ABCC3: variants seen among roughly 807,000 people sequenced by gnomAD.
The protein encoded by ABCC3 is ATP binding cassette subfamily C member 3.
A neutral mutation model predicts 165.3 loss-of-function variants in ABCC3; 121 were observed. The observed-to-expected ratio is 0.73, with a 90% CI of 0.63 to 0.85. The LOEUF is 0.85. Among genes scored for constraint, ABCC3 ranks in the 40% least tolerant of loss-of-function variants. The pLI is 0.00. For synonymous variants in ABCC3, 733 were observed against 810.1 expected, an observed-to-expected ratio of 0.90 and a Z score of 1.62; for missense variants, 1,869 against 1,964.1, an observed-to-expected ratio of 0.95 and a Z score of 0.92.
Position 50,675,614 on chromosome 17 carries a change from AC to A in ABCC3, c.2715-15del. On this transcript the variant is annotated splice_polypyrimidine_tract_variant and intron_variant, in intron 20 of 30. Transcript: ENST00000285238. ...GCTTGAGGCCCCCTCCCTGGGCCTG[AC>A]CAGCTGCCTCCACAGACAGCTGAGT... is the stretch of plus-strand genomic sequence containing the variant. 6.4e-7 allele frequency: 1 copy of A among 1,561,602 alleles called. No individual in the cohort carries two copies.
intron 1 of ABCC3, among the ~76,000 whole-genome samples, chr17:50,640,580 G>A (rs534941886): frequency 3.9e-5 from 6 of 152,234 alleles, no homozygotes; most frequent in Non-Finnish European, 7.4e-5. Flanking sequence ...GTGCAGTGGC[G>A]TGATCTCAGC....
intron 1 of ABCC3, among the ~76,000 whole-genome samples, chr17:50,636,368 G>GT (rs912649775): frequency 3.3e-5 from 5 of 151,038 alleles, no homozygotes; most frequent in African/African-American, 1.2e-4. Context: ...GGCAATGGAG[G>GT]TAAAAAAAAA....
chr17:50,673,576 G>T lies in ABCC3; in HGVS notation c.2517G>T (p.Leu839=), dbSNP rs769161836. ...VSEMGPYPAL[L]QRNGSFANFL... ...AGATGGGCCCGTACCCAGCCCTGCT[G>T]CAGCGCAACGGCTCCTTTGCCAACT... The change falls in exon 19 of 31, where the codon CTG becomes CTT. Residue 839 remains leucine, a synonymous_variant. Transcript: ENST00000285238. 13 of 1,614,214 alleles carry T rather than the reference G, an allele frequency of 8.1e-6. No homozygotes were observed. The highest frequency in any genetic ancestry group is 1.0e-5 in the Non-Finnish European group (12 of 1,180,034).
At position 50,691,716 on chromosome 17, in the gene ABCC3, C is replaced by G. The variant is rs1968128182; in HGVS notation, c.*516C>G. 6.5e-6 allele frequency: 1 copy of G among 152,800 alleles called. No homozygotes were observed. Among genetic ancestry groups the G allele is most frequent in the African/African-American group, 2.4e-5 (1 of 41,410 alleles). 9.5% of individuals were successfully genotyped at this position (152,800 alleles called of 1,614,324 possible). On this transcript the variant is annotated 3_prime_UTR_variant, in exon 31 of 31. Coordinates refer to ENST00000285238, the MANE Select transcript of ABCC3 (RefSeq NM_003786.4). ...TGGTCAACAGTATATACACAGTAGTCTTTTTGCACTTGTTCACAAGGTTTG... is the reference window on the plus strand; with the variant it reads ...TGGTCAACAGTATATACACAGTAGTGTTTTTGCACTTGTTCACAAGGTTTG...
At chr17:50,669,053 C>T (rs923544640) in intron 15 of ABCC3, 87 bp from the exon 16 acceptor site, 43 of 1,595,116 alleles carry the variant, frequency 2.7e-5, no homozygotes, top group South Asian at 9.0e-5. Context: ...TCTGGAAGGG[C>T]GGAGGGCTTG....
At position 50,684,701 on chromosome 17, in the gene ABCC3, A is replaced by C; in HGVS notation, c.4114-8A>C. ...CTGCCTCCCTCTGAGGCCACGTTGT[A>C]TCCCCAGGACCCCATCCTGTTCTCG... On this transcript the variant is annotated splice_polypyrimidine_tract_variant and splice_region_variant and intron_variant, in intron 28 of 30. Transcript: ENST00000285238. The C allele has an allele frequency of 6.2e-7, 1 of 1,612,026 alleles. No homozygotes were observed. The highest frequency in any genetic ancestry group is 8.5e-7 in the Non-Finnish European group (1 of 1,179,124).
At position 50,687,527 on chromosome 17, in the gene ABCC3, C is replaced by T. The variant is rs767770311; in HGVS notation, c.4281-9C>T. 2 of 1,610,968 alleles carry T rather than the reference C, an allele frequency of 1.2e-6. No homozygotes were observed. The highest frequency in any genetic ancestry group is 2.7e-5 in the African/African-American group (2 of 74,926). Reference sequence around the variant, plus strand: ...CCCAGCTGGAAATGCCTGCCTTCTCCACTCCCAGCGTGGGCCAGAGGCAGC... The same window carrying T: ...CCCAGCTGGAAATGCCTGCCTTCTCTACTCCCAGCGTGGGCCAGAGGCAGC... On this transcript the variant is annotated splice_polypyrimidine_tract_variant and intron_variant, in intron 29 of 30. Coordinates refer to ENST00000285238, the MANE Select transcript of ABCC3 (RefSeq NM_003786.4).
intron 5 of ABCC3, 100 bp from the exon 6 acceptor site, chr17:50,658,335 G>T: frequency 2.5e-6 from 4 of 1,583,582 alleles, no homozygotes; most frequent in Non-Finnish European, 3.5e-6. Context: ...CTGTAAACTG[G>T]GGCTTGGAGC....
chr17:50,667,768 G>C lies in ABCC3; in HGVS notation c.1635+11G>C. 6.2e-7 allele frequency: 1 copy of C among 1,614,066 alleles called. No homozygotes were observed. The highest frequency in any genetic ancestry group is 1.3e-5 in the African/African-American group (1 of 75,038). On this transcript the variant is annotated intron_variant, in intron 12 of 30. Transcript: ENST00000285238. ...TGCAGCCCCTTCCTGGTGAGGCTTG[G>C]CACAGGGCTGGGTCCCTGCCTCCAG... is the stretch of plus-strand genomic sequence containing the variant.
chr17:50,666,301 G>A (rs1483333433), intron 11 of ABCC3, among the ~76,000 whole-genome samples: 2 of 152,080 alleles, frequency 1.3e-5, no homozygotes, highest in South Asian at 2.1e-4. Flanking sequence ...GAGAAACCCC[G>A]TCTCTACTAA....
intron 1 of ABCC3, among the ~76,000 whole-genome samples, chr17:50,639,287 G>T (rs1196446925): frequency 6.6e-6 from 1 of 152,144 alleles, no homozygotes; most frequent in Non-Finnish European, 1.5e-5. Flanking sequence ...TTCTGGCTAC[G>T]GCATTTCATT....
At chr17:50,686,146 A>G (rs1968017211) in intron 29 of ABCC3, among the ~76,000 whole-genome samples, 1 of 138,888 alleles carries the variant, frequency 7.2e-6, no homozygotes, top group Non-Finnish European at 1.6e-5. Flanking sequence ...GTGAGCCAAG[A>G]TCTCACCACT....
In ABCC3 at chr17:50,678,211, T is replaced by G. The variant is rs1967866501; in HGVS notation, c.3697T>G (p.Ser1233Ala). 3 of 1,525,436 alleles carry G rather than the reference T, an allele frequency of 2.0e-6. No individual in the cohort carries two copies. The East Asian group carries it at 6.8e-5, about 35-fold the overall frequency. The allele number at this position is 1,525,436 out of a possible 1,614,324, so 94.5% of individuals were successfully genotyped here. ...GCTGGTGGGCCTTTCTGTGTCCTACTCCTTGCAGGTATGAAGGGCCTGGAC... is the reference window on the plus strand; with the variant it reads ...GCTGGTGGGCCTTTCTGTGTCCTACGCCTTGCAGGTATGAAGGGCCTGGAC... ...PGLVGLSVSY[S>A]LQVTFALNWM... The change falls in exon 25 of 31, where the codon TCC becomes GCC. Residue 1233 changes from serine to alanine, a missense_variant. Ser to Ala is a moderately conservative substitution (Grantham distance 99). Transcript: ENST00000285238.
chr17:50,677,698 TG>T, intron 23 of ABCC3, 45 bp from the exon 24 acceptor site: 1 of 1,578,134 alleles, frequency 6.3e-7, no homozygotes, highest in Non-Finnish European at 8.7e-7. Context: ...AGGACTGAGT[TG>T]GGGGTTCCAT....
At chr17:50,640,559 C>T (rs2054218934) in intron 1 of ABCC3, among the ~76,000 whole-genome samples, 1 of 152,212 alleles carries the variant, frequency 6.6e-6, no homozygotes, top group African/African-American at 2.4e-5. Flanking sequence ...CGCTCTGCCA[C>T]CCTGGCTGGA....
Position 50,684,689 on chromosome 17 carries a change from A to G in ABCC3, c.4114-20A>G, listed in dbSNP as rs199742514. 103 of 1,608,748 alleles carry G rather than the reference A, an allele frequency of 6.4e-5. No homozygotes were observed. In the East Asian group the frequency reaches 2.2e-3, roughly 34 times the overall value. ...ATAGGGCCTAAGCTGCCTCCCTCTGAGGCCACGTTGTATCCCCAGGACCCC... is the reference window on the plus strand; with the variant it reads ...ATAGGGCCTAAGCTGCCTCCCTCTGGGGCCACGTTGTATCCCCAGGACCCC... On this transcript the variant is annotated intron_variant, in intron 28 of 30. Transcript: ENST00000285238.
intron 29 of ABCC3, among the ~76,000 whole-genome samples, chr17:50,686,169 G>T (rs1221961966): frequency 6.6e-6 from 1 of 152,220 alleles, no homozygotes; most frequent in Non-Finnish European, 1.5e-5. Context: ...ACTCTAGCCT[G>T]GGTGACCGAG....
At position 50,669,193 on chromosome 17, in the gene ABCC3, G is replaced by A. The variant is rs1398179974; in HGVS notation, c.1991G>A (p.Gly664Asp). ...CTGGTGGCCGTGGTGGGGCCTGTGGGCTGTGGGAAGTCCTCCCTGGTGTCT... is the reference window on the plus strand; with the variant it reads ...CTGGTGGCCGTGGTGGGGCCTGTGGACTGTGGGAAGTCCTCCCTGGTGTCT... ...GALVAVVGPV[G>D]CGKSSLVSAL... Residue 664 changes from glycine to aspartate, a missense_variant, in exon 16 of 31, where the codon GGC becomes GAC. By Grantham distance (94) the Gly-to-Asp change is moderately conservative. Coordinates refer to ENST00000285238, the MANE Select transcript of ABCC3 (RefSeq NM_003786.4). 1 of 1,610,174 alleles carries A rather than the reference G, an allele frequency of 6.2e-7. No individual in the cohort carries two copies. The highest frequency in any genetic ancestry group is 8.5e-7 in the Non-Finnish European group (1 of 1,178,914).
chr17:50,641,818 G>A (rs1454248006), intron 1 of ABCC3, among the ~76,000 whole-genome samples: 1 of 152,118 alleles, frequency 6.6e-6, no homozygotes, highest in Non-Finnish European at 1.5e-5. Flanking sequence ...GGCCGAAGCA[G>A]GAGGATCACT....
Sources: allele counts gnomAD v4.1 joint callset (sites outside exome capture counted in the v4.1 genomes callset), GRCh38; gene constraint gnomAD v4.1.1; transcripts MANE v1.5; gene names NCBI Gene and HGNC (gene_info 2026-07-23, HGNC 2026-07-21).